Variants in ZNF710 observed in about 807,000 individuals in gnomAD.
The protein encoded by ZNF710 is zinc finger protein 710.
A neutral mutation model predicts 50.6 loss-of-function variants in ZNF710; 13 were observed. The observed-to-expected ratio is 0.26, with a 90% CI of 0.17 to 0.41. The LOEUF (loss-of-function observed/expected upper bound fraction) is 0.41. Ranked by LOEUF, ZNF710 falls within the 10% of genes least tolerant of loss-of-function variation. The probability of loss-of-function intolerance (pLI) is 1.00; values close to 1 mark genes in which losing one functional copy is unlikely to be tolerated. For synonymous variants in ZNF710, 383 were observed against 397.0 expected (o/e 0.96, Z 0.42); for missense variants, 721 against 936.6 (o/e 0.77, Z 3.01).
rs531579207 is a variant in ZNF710, at chr15:90,040,863, A to G, written c.-28-26247A>G. Among the ~76,000 whole-genome samples, 3 of 152,160 alleles carry G rather than the reference A, an allele frequency of 2.0e-5. No homozygotes were observed. The highest frequency in any genetic ancestry group is 6.5e-5 in the Admixed American group (1 of 15,270). ...TATCTTTTGCCTCCATATTGTTGCA[A>G]GTGAGGACTTATCTCTCCACCACCC... On this transcript the variant is annotated intron_variant, in intron 1 of 4. Transcript: ENST00000268154. The surrounding 1 kb of genome is among the most constrained non-coding windows in gnomAD (Gnocchi z 4.6).
intron 1 of ZNF710, among the ~76,000 whole-genome samples, chr15:90,021,019 C>CCCT (rs66682813): frequency 2.5e-5 from 1 of 40,320 alleles, no homozygotes; most frequent in African/African-American, 8.2e-5. Context: ...ACCCCCCCCC[C>CCCT]CTTAGCAGCC....
At chr15:90,000,746 C>G (rs1195919211), upstream of ZNF710, among the ~76,000 whole-genome samples, 1 of 152,158 alleles carries the variant, frequency 6.6e-6, no homozygotes, top group African/African-American at 2.4e-5. Flanking sequence ...TGGGGAGGGG[C>G]GGGCTCGGCG....
rs752298599 is a variant in ZNF710 at position 90,067,270 on chromosome 15, C to T, written c.133C>T (p.Pro45Ser). The T allele has an allele frequency of 6.2e-7, 1 of 1,612,844 alleles. No homozygotes were observed. The highest frequency in any genetic ancestry group is 8.5e-7 in the Non-Finnish European group (1 of 1,179,732). ...GATISAEAFY[P>S]DLGPELSGAA... ...TACCATAAGCGCCGAGGCCTTCTAC[C>T]CGGACCTGGGGCCCGAGCTTTCAGG... The change falls in exon 2 of 5, where the codon CCG becomes TCG. Residue 45 changes from proline to serine, a missense_variant. This residue lies in a region of ZNF710 where 326 missense variants were observed against 347.1 expected (regional missense o/e 0.94). Transcript: ENST00000268154. This position sits in a 1 kb window ranked among gnomAD's most constrained non-coding sequence, Gnocchi z 8.1.
intron 3 of ZNF710, 95 bp downstream of exon 3, chr15:90,073,357 G>A: frequency 1.4e-6 from 2 of 1,441,890 alleles, no homozygotes; most frequent in Non-Finnish European, 1.9e-6. Flanking sequence ...GCGCCAGCCT[G>A]GCCAGTGCGG....
intron 1 of ZNF710, among the ~76,000 whole-genome samples, chr15:90,061,884 C>T (rs1900017837): frequency 1.3e-5 from 2 of 152,154 alleles, no homozygotes; most frequent in South Asian, 4.1e-4. Flanking sequence ...CTTTACAGGA[C>T]CCATGGGGCA....
intron 1 of ZNF710, among the ~76,000 whole-genome samples, chr15:90,022,144 G>A (rs193241698): frequency 1.1e-4 from 17 of 152,088 alleles, no homozygotes; most frequent in African/African-American, 3.1e-4. Flanking sequence ...TTGGGTGGCC[G>A]AGGCGAGCGA....
chr15:90,056,876 G>C (rs986264758), intron 1 of ZNF710, among the ~76,000 whole-genome samples: 11 of 152,190 alleles, frequency 7.2e-5, no homozygotes, highest in African/African-American at 2.7e-4. Context: ...ATAAGAACCA[G>C]AGGCCCACCC....
At chr15:90,055,500 G>C (rs1436137759) in intron 1 of ZNF710, among the ~76,000 whole-genome samples, 2 of 152,240 alleles carry the variant, frequency 1.3e-5, no homozygotes, top group Admixed American at 1.3e-4. Flanking sequence ...GTTTGGGCTT[G>C]ATTGCAAGAG....
In ZNF710 at chr15:90,068,012, A is replaced by G. The variant is rs1596057725; in HGVS notation, c.875A>G (p.Gln292Arg). 1.2e-6 allele frequency: 2 copies of G among 1,614,054 alleles called. No individual in the cohort carries two copies. The highest frequency in any genetic ancestry group is 1.7e-6 in the Non-Finnish European group (2 of 1,180,048). ...TATCTGGTGGAGGCGGGCGACCGCC[A>G]GAAGCGCTGGCAGTGCCGCATGTGC... ...DSYLVEAGDR[Q>R]KRWQCRMCEK... Residue 292 changes from glutamine to arginine, a missense_variant, in exon 2 of 5, where the codon CAG becomes CGG. Transcript: ENST00000268154. The surrounding 1 kb of genome is among the most constrained non-coding windows in gnomAD (Gnocchi z 5.0).
At chr15:90,050,440 CCT>C (rs984264406) in intron 1 of ZNF710, among the ~76,000 whole-genome samples, 2 of 152,234 alleles carry the variant, frequency 1.3e-5, no homozygotes, top group Admixed American at 1.3e-4. Context: ...CTGGGCAGGC[CCT>C]CCTCTCTGGC....
At chr15:90,071,153 C>T (rs557874097) in intron 2 of ZNF710, among the ~76,000 whole-genome samples, 5 of 151,564 alleles carry the variant, frequency 3.3e-5, no homozygotes, top group South Asian at 2.1e-4. Context: ...CCCAGCTACT[C>T]GGGAGGCTGA....
chr15:90,067,165 C>T lies in ZNF710; in HGVS notation c.28C>T (p.Gln10Ter), dbSNP rs1900194328. 6.2e-7 allele frequency: 1 copy of T among 1,608,484 alleles called. No individual in the cohort carries two copies. Among genetic ancestry groups the T allele is most frequent in the Non-Finnish European group, 8.5e-7 (1 of 1,176,366 alleles). Residue 10 changes from glutamine to a stop codon, truncating the protein, a stop_gained, in exon 2 of 5, where the codon CAG becomes TAG. Coordinates refer to ENST00000268154, the MANE Select transcript of ZNF710 (RefSeq NM_198526.4). LOFTEE classifies it high-confidence loss of function. This position sits in a 1 kb window ranked among gnomAD's most constrained non-coding sequence, Gnocchi z 8.1. ...GGAGGGCTTCATGGACTCAGGGACA[C>T]AGACGGACGCCGTGGTGGTGCTGTC... MEGFMDSGT[Q>*]TDAVVVLSLA...
intron 1 of ZNF710, among the ~76,000 whole-genome samples, chr15:90,063,715 G>A (rs1220271275): frequency 3.3e-5 from 5 of 152,168 alleles, no homozygotes; most frequent in Admixed American, 2.6e-4. Flanking sequence ...TACCCTTGCT[G>A]TAGGGAACCA....
chr15:90,024,599 C>T (rs1898720336), intron 1 of ZNF710, among the ~76,000 whole-genome samples: 2 of 152,268 alleles, frequency 1.3e-5, no homozygotes, highest in African/African-American at 4.8e-5. Flanking sequence ...AGTGCATTCA[C>T]CTGCTTGTGA....
At chr15:90,014,748 A>T (rs1299390503) in intron 1 of ZNF710, among the ~76,000 whole-genome samples, 1 of 152,142 alleles carries the variant, frequency 6.6e-6, no homozygotes, top group African/African-American at 2.4e-5. Flanking sequence ...TCTTCTTGGC[A>T]GAATCCATCA....
At chr15:90,043,580 A>G (rs943910982) in intron 1 of ZNF710, among the ~76,000 whole-genome samples, 4 of 152,226 alleles carry the variant, frequency 2.6e-5, no homozygotes, top group African/African-American at 9.7e-5. Context: ...TTTAGGAATT[A>G]ACTTGCAGTG....
intron 1 of ZNF710, among the ~76,000 whole-genome samples, chr15:90,023,636 AT>A (rs1567224066): frequency 4.6e-5 from 7 of 152,142 alleles, no homozygotes; most frequent in African/African-American, 1.7e-4. Flanking sequence ...GTGAACCATG[AT>A]CACACCACTG....
intron 1 of ZNF710, among the ~76,000 whole-genome samples, chr15:90,027,231 GA>G (rs1898805953): frequency 1.3e-5 from 2 of 151,026 alleles, no homozygotes; most frequent in Non-Finnish European, 2.9e-5. Flanking sequence ...TTTTTTTGGA[GA>G]CAGAGTCTTG....
chr15:90,070,662 A>G (rs557955535), intron 2 of ZNF710, among the ~76,000 whole-genome samples: 1 of 152,012 alleles, frequency 6.6e-6, no homozygotes, highest in Non-Finnish European at 1.5e-5. Flanking sequence ...AAAGAAAAAA[A>G]TCAAAAAATT....
Sources: allele counts gnomAD v4.1 joint callset (sites outside exome capture counted in the v4.1 genomes callset), GRCh38; gene constraint gnomAD v4.1.1; regional missense constraint gnomAD v4.1.1; non-coding constraint Gnocchi (gnomAD v3.1); transcripts MANE v1.5; gene names NCBI Gene and HGNC (gene_info 2026-07-23, HGNC 2026-07-21).